GAS6: variants seen among roughly 807,000 people sequenced by gnomAD.
The protein encoded by GAS6 is growth arrest specific 6, also known as growth arrest-specific protein 6.
GAS6 carries 41 observed loss-of-function variants against 75.8 expected under a neutral mutation model. The observed-to-expected ratio is 0.54, with a 90% confidence interval of 0.42 to 0.70. The LOEUF is 0.70. Ranked by LOEUF, GAS6 falls within the 30% of genes least tolerant of loss-of-function variation. GAS6 has a pLI of 0.00. For synonymous variants in GAS6, 432 were observed against 412.6 expected (o/e 1.05, Z -0.57); for missense variants, 854 against 940.2 (o/e 0.91, Z 1.20).
At chr13:113,823,643 G>A (rs1054221995) in intron 12 of GAS6, 93 bp from the exon 13 acceptor site, 47 of 1,272,210 alleles carry the variant, frequency 3.7e-5, no homozygotes, top group East Asian at 2.2e-4. Context: ...AGTCCCAGCC[G>A]GGGTGGGAAG....
At chr13:113,840,138 C>G (rs1202104470) in intron 4 of GAS6, 23 of 416,396 alleles carry the variant, frequency 5.5e-5, no homozygotes, top group Non-Finnish European at 9.5e-5. Context: ...GGAGCAGGAA[C>G]TGCCTGGCGT....
intron 11 of GAS6, 36 bp from the exon 12 acceptor site, chr13:113,827,200 A>G: frequency 6.2e-7 from 1 of 1,603,126 alleles, no homozygotes; most frequent in Non-Finnish European, 8.5e-7. Flanking sequence ...GCTTCCTGGG[A>G]GCGAGAAGCC....
chr13:113,854,283 G>C (rs2051897096), intron 2 of GAS6, among the ~76,000 whole-genome samples: 1 of 152,240 alleles, frequency 6.6e-6, no homozygotes, highest in African/African-American at 2.4e-5. Flanking sequence ...GCCTGACCCG[G>C]TGGGTAACCA....
Position 113,848,219 on chromosome 13 carries a change from A to G in GAS6, c.256-169T>C, listed in dbSNP as rs1463116355. On this transcript the variant is annotated intron_variant, in intron 2 of 14. Transcript: ENST00000327773. This position sits in a 1 kb window ranked among gnomAD's most constrained non-coding sequence, Gnocchi z 4.8. Reference sequence around the variant, plus strand: ...CCGGGGCACGACTGCTGTGAGACCAACAAGCAAAGGCAGGGCCATTTCCAG... The same window carrying G: ...CCGGGGCACGACTGCTGTGAGACCAGCAAGCAAAGGCAGGGCCATTTCCAG... Among the ~76,000 whole-genome samples the G allele has an allele frequency of 2.0e-5, 3 of 152,092 alleles. No homozygotes were observed. The highest frequency in any genetic ancestry group is 2.9e-5 in the Non-Finnish European group (2 of 68,010).
intron 2 of GAS6, among the ~76,000 whole-genome samples, chr13:113,856,391 C>A (rs2051914329): frequency 6.6e-6 from 1 of 152,176 alleles, no homozygotes; most frequent in Admixed American, 6.5e-5. Context: ...CACAGCCTCT[C>A]AGGGCCTCAG....
chr13:113,827,281 G>A (rs1237904879), intron 11 of GAS6, 117 bp from the exon 12 acceptor site: 17 of 993,586 alleles, frequency 1.7e-5, no homozygotes, highest in Admixed American at 4.5e-5. Context: ...CGGCAGAAAC[G>A]GGCCAGTCCC....
chr13:113,820,786 C>G lies in GAS6; in HGVS notation c.*78G>C, dbSNP rs928713931. 4.7e-6 allele frequency: 7 copies of G among 1,475,198 alleles called. No homozygotes were observed. The East Asian group carries it at 1.4e-4, about 30-fold the overall frequency. 91.4% of individuals were successfully genotyped at this position (1,475,198 alleles called of 1,614,324 possible). On this transcript the variant is annotated 3_prime_UTR_variant, in exon 15 of 15. Coordinates refer to ENST00000327773, the MANE Select transcript of GAS6 (RefSeq NM_000820.4). ...GGAAAGCCCAGCTCTCAGCATGGCC[C>G]CACGTGGTGAGGAGCCCCCAGGCTC...
intron 8 of GAS6, chr13:113,833,594 T>TCGGTGTGACAGGCAC (rs147789382): frequency 9.9e-7 from 1 of 1,011,886 alleles, no homozygotes; most frequent in East Asian, 1.2e-4. Flanking sequence ...GTGTGACAGG[T>TCGGTGTGACAGGCAC]CGGTGTGACA....
chr13:113,840,346 C>T (rs2051762565), intron 4 of GAS6: 1 of 163,610 alleles, frequency 6.1e-6, no homozygotes, highest in African/African-American at 2.4e-5. Context: ...CAGGAAGCCC[C>T]CCTCTTTCTG....
At chr13:113,847,895 T>C (rs1320151233) in intron 3 of GAS6, 131 bp downstream of exon 3, 1 of 843,772 alleles carries the variant, frequency 1.2e-6, no homozygotes, top group African/African-American at 1.7e-5. Flanking sequence ...TTCCGGACAG[T>C]TCCACGTGCA....
chr13:113,832,786 G>A, intron 8 of GAS6, 34 bp from the exon 9 acceptor site: 3 of 1,611,726 alleles, frequency 1.9e-6, no homozygotes, highest in Non-Finnish European at 1.7e-6. Flanking sequence ...GGTCGGGGAT[G>A]TGGCCTTCAC....
At position 113,828,727 on chromosome 13, in the gene GAS6, G is replaced by A. The variant is rs765307266; in HGVS notation, c.1144-16C>T. 116 of 1,610,538 alleles carry A rather than the reference G, an allele frequency of 7.2e-5. No individual in the cohort carries two copies. Among genetic ancestry groups the A allele is most frequent in the East Asian group, 1.8e-4 (8 of 44,848 alleles). On this transcript the variant is annotated splice_polypyrimidine_tract_variant and intron_variant, in intron 10 of 14. Transcript: ENST00000327773. ...CAACAGAGATCTGAAGAGAGGCAGC[G>A]CCATGAGAAAAGATGGGAGTGCACG...
In GAS6 at chr13:113,823,400, T is replaced by C; in HGVS notation, c.1628A>G (p.His543Arg). 1.2e-6 allele frequency: 2 copies of C among 1,611,038 alleles called. No individual in the cohort carries two copies. Among genetic ancestry groups the C allele is most frequent in the Non-Finnish European group, 1.7e-6 (2 of 1,179,090 alleles). The part of the protein sequence containing the change: ...VPLSVALVDY[H>R]STKKLKKQLV... ...CTGCTTCTTGAGTTTCTTCGTGGAG[T>C]GATAGTCTACCAGTGCCACAGAGAG... The change falls in exon 13 of 15, where the codon CAC (histidine) becomes CGC (arginine). Residue 543 changes from histidine to arginine, a missense_variant. Physicochemically the swap from His to Arg is conservative, Grantham distance 29. Transcript: ENST00000327773.
chr13:113,847,697 A>G, intron 3 of GAS6: 1 of 365,444 alleles, frequency 2.7e-6, no homozygotes, highest in East Asian at 7.2e-5. Flanking sequence ...CAATGACTTC[A>G]GAAGTGATTA....
At position 113,823,444 on chromosome 13, in the gene GAS6, G is replaced by A. The variant is rs528060429; in HGVS notation, c.1584C>T (p.Pro528=). ...DTGVLFALWA[P]DLRAVPLSVA... is the part of the protein sequence containing the mutation. ...CAGAGAGAGGCACGGCACGGAGGTCGGGGGCCCAGAGCGCAAACAGCACGC... is the reference window on the plus strand; with the variant it reads ...CAGAGAGAGGCACGGCACGGAGGTCAGGGGCCCAGAGCGCAAACAGCACGC... Residue 528 remains proline (P), a synonymous_variant, in exon 13 of 15, where the codon CCC becomes CCT. Transcript: ENST00000327773. The A allele has an allele frequency of 1.1e-5, 17 of 1,612,614 alleles. No individual in the cohort carries two copies. Among genetic ancestry groups the A allele is most frequent in the East Asian group, 4.5e-5 (2 of 44,870 alleles).
intron 2 of GAS6, among the ~76,000 whole-genome samples, chr13:113,862,809 G>A (rs1436834375): frequency 6.6e-6 from 1 of 152,150 alleles, no homozygotes; most frequent in Admixed American, 6.5e-5. Context: ...GGAAAACTTC[G>A]CTATGAAATC....
At chr13:113,826,808 G>C (rs942646589) in intron 12 of GAS6, among the ~76,000 whole-genome samples, 188 bp downstream of exon 12, 4 of 152,204 alleles carry the variant, frequency 2.6e-5, no homozygotes, top group African/African-American at 9.6e-5. Flanking sequence ...TGAGTGACCT[G>C]CATGGCCATC....
At position 113,856,482 on chromosome 13, in the gene GAS6, C is replaced by G. The variant is rs577714946; in HGVS notation, c.255+7093G>C. ...GTAACAACTTCACACATGGAGACCC[C>G]GAGAACAGCACTCTCAGGAGGACCC... is the stretch of plus-strand genomic sequence containing the variant. On this transcript the variant is annotated intron_variant, in intron 2 of 14. Coordinates refer to ENST00000327773, the MANE Select transcript of GAS6 (RefSeq NM_000820.4). 3.3e-5 allele frequency among the ~76,000 whole-genome samples: 5 copies of G among 152,220 alleles called. No individual in the cohort carries two copies. In the East Asian group the frequency reaches 9.7e-4, roughly 29 times the overall value.
chr13:113,838,801 G>T (rs1425698216), intron 5 of GAS6, among the ~76,000 whole-genome samples: 1 of 150,472 alleles, frequency 6.6e-6, no homozygotes, highest in Non-Finnish European at 1.5e-5. Context: ...GCACAGCCCA[G>T]CCCTGGAGCA....
Sources: gnomAD v4.1 joint callset for allele counts (sites outside exome capture counted in the v4.1 genomes callset) on GRCh38, gnomAD v4.1.1 for gene constraint, Gnocchi (gnomAD v3.1) non-coding constraint, MANE v1.5 for transcripts, NCBI Gene and HGNC (gene_info 2026-07-23, HGNC 2026-07-21) for gene names.